Variants in PRKD3 observed in about 807,000 individuals in gnomAD.
The protein encoded by PRKD3 is serine/threonine-protein kinase D3.
In PRKD3, 47 loss-of-function variants were observed where a neutral mutation model predicts 99.2. The observed-to-expected ratio is 0.47, with a 90% CI of 0.38 to 0.60. The LOEUF is 0.60. Ranked by LOEUF, PRKD3 falls within the 20% of genes least tolerant of loss-of-function variation. The probability of loss-of-function intolerance (pLI) is 0.00; values close to 1 mark genes in which losing one functional copy is unlikely to be tolerated. For missense variants in PRKD3, 1,019 were observed against 1,088.4 expected (o/e 0.94, Z 0.90); for synonymous variants, 392 against 355.4 (o/e 1.10, Z -1.16).
chr2:37,270,485 C>T (rs899356279), intron 12 of PRKD3, among the ~76,000 whole-genome samples: 2 of 152,044 alleles, frequency 1.3e-5, no homozygotes, highest in African/African-American at 4.8e-5. Flanking sequence ...CTGCTCTTCG[C>T]CCCCTTCCCT....
intron 2 of PRKD3, among the ~76,000 whole-genome samples, chr2:37,300,972 G>C (rs1215128224): frequency 3.9e-5 from 6 of 151,970 alleles, no homozygotes; most frequent in Non-Finnish European, 8.8e-5. Context: ...TATCAAACTT[G>C]TTGACTTTAG....
At chr2:37,258,889 C>T (rs1006281671) in intron 16 of PRKD3, among the ~76,000 whole-genome samples, 2 of 152,234 alleles carry the variant, frequency 1.3e-5, no homozygotes, top group African/African-American at 2.4e-5. Context: ...AGTTTGGCAA[C>T]AGATATTTGA....
chr2:37,284,279 G>C (rs995985379), intron 6 of PRKD3, among the ~76,000 whole-genome samples: 6 of 152,030 alleles, frequency 3.9e-5, no homozygotes, highest in Non-Finnish European at 8.8e-5. Context: ...TTTAATAAAT[G>C]AAATAGCTTA....
intron 2 of PRKD3, among the ~76,000 whole-genome samples, chr2:37,293,671 A>G (rs899231873): frequency 1.1e-4 from 16 of 152,232 alleles, no homozygotes; most frequent in African/African-American, 3.1e-4. Context: ...TCTCAGAATT[A>G]TAAATGCTCA....
At chr2:37,259,965 G>A (rs1668286065) in intron 15 of PRKD3, among the ~76,000 whole-genome samples, 1 of 152,126 alleles carries the variant, frequency 6.6e-6, no homozygotes, top group Non-Finnish European at 1.5e-5. Flanking sequence ...AGGAGTTCGA[G>A]ACCAGCCTGG....
Position 37,256,812 on chromosome 2 carries a change from G to A in PRKD3, c.2263C>T (p.Arg755Cys), listed in dbSNP as rs750199145. The change falls in exon 17 of 19, where the codon CGT (arginine) becomes TGT (cysteine). Residue 755 changes from arginine to cysteine, a missense_variant. Arg to Cys is a radical substitution (Grantham distance 180). Coordinates refer to ENST00000234179, the MANE Select transcript of PRKD3 (RefSeq NM_005813.6). ...CCCACTGACCACATATCTAGGGAAC[G>A]GTTGTAACCTTTGCTCCGGAGAACT... ...PEVLRSKGYN[R>C]SLDMWSVGVI... 3.1e-6 allele frequency: 5 copies of A among 1,613,866 alleles called. No individual in the cohort carries two copies. Among genetic ancestry groups the A allele is most frequent in the Admixed American group, 1.7e-5 (1 of 59,988 alleles).
intron 12 of PRKD3, among the ~76,000 whole-genome samples, 198 bp from the exon 13 acceptor site, chr2:37,269,885 T>C (rs1256955117): frequency 1.3e-5 from 2 of 152,246 alleles, no homozygotes; most frequent in Non-Finnish European, 2.9e-5. Flanking sequence ...TGTGCAAGTA[T>C]AATGTATTGT....
chr2:37,311,474 T>C (rs988772398), intron 2 of PRKD3, among the ~76,000 whole-genome samples: 3 of 152,112 alleles, frequency 2.0e-5, no homozygotes, highest in Non-Finnish European at 4.4e-5. Flanking sequence ...CCATAAATAT[T>C]TGTTCAACTG....
At chr2:37,287,281 A>C (rs967351396) in intron 5 of PRKD3, among the ~76,000 whole-genome samples, 3 of 148,916 alleles carry the variant, frequency 2.0e-5, no homozygotes, top group African/African-American at 7.6e-5. Context: ...AAAGAAAAAG[A>C]AAAAGAAAAA....
In PRKD3 at chr2:37,286,378, T is replaced by G. The variant is rs1373775041; in HGVS notation, c.718-9A>C. ...TCCTGGTGGACATGTGACTATAACA[T>G]AAGTAATTTTCATAAGTGTAAGTCA... On this transcript the variant is annotated splice_polypyrimidine_tract_variant and intron_variant, in intron 5 of 18. Coordinates refer to ENST00000234179, the MANE Select transcript of PRKD3 (RefSeq NM_005813.6). 2 of 1,609,988 alleles carry G rather than the reference T, an allele frequency of 1.2e-6. No homozygotes were observed.
chr2:37,306,708 GT>G (rs996666752), intron 2 of PRKD3, among the ~76,000 whole-genome samples: 2 of 152,076 alleles, frequency 1.3e-5, no homozygotes, highest in African/African-American at 4.8e-5. Flanking sequence ...CTTAGGGAGG[GT>G]GAGGTGGGAG....
intron 18 of PRKD3, 33 bp downstream of exon 18, chr2:37,254,171 G>A (rs748062333): frequency 1.3e-6 from 2 of 1,490,902 alleles, no homozygotes; most frequent in East Asian, 2.3e-5. Flanking sequence ...ACTCAAATGA[G>A]GATTGCCAAA....
intron 2 of PRKD3, among the ~76,000 whole-genome samples, chr2:37,299,311 A>G (rs890547440): frequency 6.6e-6 from 1 of 152,144 alleles, no homozygotes; most frequent in Non-Finnish European, 1.5e-5. Context: ...AGCCTGGGCA[A>G]AGACTCCTTG....
intron 16 of PRKD3, among the ~76,000 whole-genome samples, chr2:37,257,481 C>T (rs867177445): frequency 1.4e-4 from 21 of 151,906 alleles, no homozygotes; most frequent in Middle Eastern, 3.4e-3. Context: ...CTGGCTAATG[C>T]GGTGAAACCC....
chr2:37,261,449 T>C (rs967034934), intron 14 of PRKD3, among the ~76,000 whole-genome samples: 1 of 147,946 alleles, frequency 6.8e-6, no homozygotes, highest in Admixed American at 6.8e-5. Flanking sequence ...ATCATGCCAT[T>C]GCACTCCAGC....
At chr2:37,289,655 C>A in intron 4 of PRKD3, 142 bp from the exon 5 acceptor site, 1 of 650,950 alleles carries the variant, frequency 1.5e-6, no homozygotes, top group Non-Finnish European at 2.5e-6. Flanking sequence ...AGACAGCAGG[C>A]TAAGTGGAAG....
rs552902726 is a variant in PRKD3, at chr2:37,297,254, T to C, written c.289-3983A>G. ...GGTTTATGGTTAAGCTCCTGAGGAA[T>C]AGGCGGCGAACACCTGAATTTTAAA... On this transcript the variant is annotated intron_variant, in intron 2 of 18. Coordinates refer to ENST00000234179, the MANE Select transcript of PRKD3 (RefSeq NM_005813.6). Among the ~76,000 whole-genome samples the C allele has an allele frequency of 7.2e-5, 11 of 152,280 alleles. No individual in the cohort carries two copies. The East Asian group carries it at 1.5e-3, about 21-fold the overall frequency.
Position 37,316,845 on chromosome 2 carries a change from C to T in PRKD3, c.-321G>A. The stretch of plus-strand genomic sequence containing the variant: ...GAGTTGACGTAGCTTATTTACGAAT[C>T]TATTTTCCTTTCAGTCTGTACTTGT... On this transcript the variant is annotated 5_prime_UTR_variant, in exon 2 of 19. Coordinates refer to ENST00000234179, the MANE Select transcript of PRKD3 (RefSeq NM_005813.6). 1 of 1,107,088 alleles carries T rather than the reference C, an allele frequency of 9.0e-7. No individual in the cohort carries two copies. Among genetic ancestry groups the T allele is most frequent in the South Asian group, 3.2e-5 (1 of 31,452 alleles). 68.6% of individuals were successfully genotyped at this position (1,107,088 alleles called of 1,614,324 possible). A position where few individuals can be genotyped will look rare whatever the true frequency, so the allele number is the denominator to read the frequency against.
intron 2 of PRKD3, among the ~76,000 whole-genome samples, chr2:37,299,024 CA>C (rs70949748): frequency 0.32 from 49,154 of 151,700 alleles, 8,714 homozygotes; most frequent in East Asian, 0.42. Flanking sequence ...GAAAGGCTTT[CA>C]GTTTTTTCCC....
Sources: allele counts gnomAD v4.1 joint callset (sites outside exome capture counted in the v4.1 genomes callset), GRCh38; gene constraint gnomAD v4.1.1; transcripts MANE v1.5; gene names NCBI Gene and HGNC (gene_info 2026-07-23, HGNC 2026-07-21).